Variants in PCDHGA9 observed in about 807,000 individuals in gnomAD.
The protein encoded by PCDHGA9 is protocadherin gamma-A9.
In PCDHGA9, 37 loss-of-function variants were observed where a neutral mutation model predicts 62.5. The ratio of observed to expected loss-of-function variants is 0.59; its 90% confidence interval spans 0.46 to 0.78. The LOEUF is 0.78. PCDHGA9 is among the 30% of genes least tolerant of loss of function. The pLI, the probability that PCDHGA9 is intolerant of heterozygous loss-of-function variation, is 0.00. For missense variants in PCDHGA9, 1,138 were observed against 1,166.2 expected (o/e 0.98, Z 0.35); for synonymous variants, 459 against 484.6 (o/e 0.95, Z 0.69).
intron 1 of PCDHGA9, chr5:141,410,849 CTTTTTT>C (rs759346998): frequency 3.0e-4 from 42 of 138,124 alleles, no homozygotes; most frequent in Middle Eastern, 4.3e-3. Context: ...TTGTCTTTGT[CTTTTTT>C]TTTTTTTTTT....
At chr5:141,409,967 AC>A (rs779248187) in intron 1 of PCDHGA9, 29 of 1,613,086 alleles carry the variant, frequency 1.8e-5, no homozygotes, top group Non-Finnish European at 2.4e-5. Flanking sequence ...CTACCTAGTG[AC>A]TAAGGTGGTA....
At chr5:141,426,451 C>A in intron 1 of PCDHGA9, 1 of 308,946 alleles carries the variant, frequency 3.2e-6, no homozygotes, top group South Asian at 3.0e-5. Flanking sequence ...GGACATGCGG[C>A]TGCATGTTCA....
chr5:141,509,255 T>A (rs1434555633), intron 3 of PCDHGA9, among the ~76,000 whole-genome samples: 1 of 152,158 alleles, frequency 6.6e-6, no homozygotes, highest in African/African-American at 2.4e-5. Flanking sequence ...CCTCTCCGGC[T>A]TTAGTCACTC....
intron 1 of PCDHGA9, among the ~76,000 whole-genome samples, chr5:141,471,869 G>A (rs1234106506): frequency 6.6e-6 from 1 of 152,172 alleles, no homozygotes; most frequent in Non-Finnish European, 1.5e-5. Flanking sequence ...AACTGTGGTT[G>A]CCTGAGGCTG....
chr5:141,446,821 T>G (rs183143971), intron 1 of PCDHGA9, among the ~76,000 whole-genome samples: 2 of 152,184 alleles, frequency 1.3e-5, no homozygotes, highest in South Asian at 4.1e-4. Context: ...GTCAGATGGG[T>G]AGATCCTTAT....
In PCDHGA9 at chr5:141,431,788, T is replaced by G. The variant is rs775397713; in HGVS notation, c.2424+26412T>G. 1 of 1,614,190 alleles carries G rather than the reference T, an allele frequency of 6.2e-7. No homozygotes were observed. The highest frequency in any genetic ancestry group is 1.1e-5 in the South Asian group (1 of 91,080). ...TCACTGTTCTGGACGTGAACGACAA[T>G]GCCCCAGAAGTGGTCCTCACCTCTC... On this transcript the variant is annotated intron_variant, in intron 1 of 3. Coordinates refer to ENST00000573521, the MANE Select transcript of PCDHGA9 (RefSeq NM_018921.3). The surrounding 1 kb of genome is among the most constrained non-coding windows in gnomAD (Gnocchi z 4.8).
chr5:141,422,785 T>C, intron 1 of PCDHGA9: 1 of 1,614,146 alleles, frequency 6.2e-7, no homozygotes, highest in Non-Finnish European at 8.5e-7. Flanking sequence ...TGCCCTACAA[T>C]CCTTCGACTA....
At chr5:141,423,499 G>T (rs1590485367) in intron 1 of PCDHGA9, 1 of 1,613,966 alleles carries the variant, frequency 6.2e-7, no homozygotes, top group Non-Finnish European at 8.5e-7. Context: ...TTCCCACGAG[G>T]TCTCTCTCAT....
At chr5:141,414,287 C>A (rs374229359) in intron 1 of PCDHGA9, 4 of 1,613,316 alleles carry the variant, frequency 2.5e-6, no homozygotes, top group Non-Finnish European at 3.4e-6. Flanking sequence ...ACAGTCGTAG[C>A]CCTTTTAAAT....
chr5:141,432,610 C>T lies in PCDHGA9; in HGVS notation c.2424+27234C>T, dbSNP rs1481968343. 9.3e-6 allele frequency: 15 copies of T among 1,613,954 alleles called. No homozygotes were observed. Among genetic ancestry groups the T allele is most frequent in the Non-Finnish European group, 1.3e-5 (15 of 1,179,978 alleles). On this transcript the variant is annotated intron_variant, in intron 1 of 3. Transcript: ENST00000573521. This position sits in a 1 kb window ranked among gnomAD's most constrained non-coding sequence, Gnocchi z 6.0. The stretch of plus-strand genomic sequence containing the variant: ...TCAAGGCCAGCGAGCCGGGACTCTT[C>T]TCGGTGGGTCTGCACACGGGCGAGG...
chr5:141,431,790 C>T lies in PCDHGA9; in HGVS notation c.2424+26414C>T, dbSNP rs2097417829. On this transcript the variant is annotated intron_variant, in intron 1 of 3. Transcript: ENST00000573521. This position sits in a 1 kb window ranked among gnomAD's most constrained non-coding sequence, Gnocchi z 4.8. The stretch of plus-strand genomic sequence containing the variant: ...ACTGTTCTGGACGTGAACGACAATG[C>T]CCCAGAAGTGGTCCTCACCTCTCTC... 4.3e-6 allele frequency: 7 copies of T among 1,614,186 alleles called. No individual in the cohort carries two copies. The highest frequency in any genetic ancestry group is 5.9e-6 in the Non-Finnish European group (7 of 1,180,016).
At chr5:141,451,468 C>G (rs2098716484) in intron 1 of PCDHGA9, among the ~76,000 whole-genome samples, 1 of 152,202 alleles carries the variant, frequency 6.6e-6, no homozygotes, top group South Asian at 2.1e-4. Context: ...AGGTCTACCT[C>G]AGTTCCTTGC....
chr5:141,421,476 C>A, intron 1 of PCDHGA9: 2 of 1,614,158 alleles, frequency 1.2e-6, no homozygotes, highest in Non-Finnish European at 1.7e-6. Context: ...CGCGAAGCGG[C>A]AGCTTGATCA....
At chr5:141,510,315 G>A (rs2099880567) in intron 3 of PCDHGA9, among the ~76,000 whole-genome samples, 1 of 151,324 alleles carries the variant, frequency 6.6e-6, no homozygotes, top group African/African-American at 2.4e-5. Flanking sequence ...TGGAGGCTTG[G>A]AAGAGCACTC....
chr5:141,420,911 T>C (rs948220220), intron 1 of PCDHGA9: 6 of 313,968 alleles, frequency 1.9e-5, no homozygotes, highest in Admixed American at 1.8e-4. Flanking sequence ...CAAATACGTG[T>C]GATTCACAAA....
chr5:141,472,769 T>C (rs2154571402), intron 1 of PCDHGA9, among the ~76,000 whole-genome samples: 1 of 151,816 alleles, frequency 6.6e-6, no homozygotes, highest in South Asian at 2.1e-4. Context: ...GCAGATCACC[T>C]GAGGTTGGGA....
chr5:141,409,714 C>T (rs1053132512), intron 1 of PCDHGA9: 1 of 1,613,226 alleles, frequency 6.2e-7, no homozygotes, highest in Non-Finnish European at 8.5e-7. Flanking sequence ...TGTCGTCATA[C>T]GTGTCAGTGA....
At chr5:141,415,508 A>G in intron 1 of PCDHGA9, 2 of 1,614,168 alleles carry the variant, frequency 1.2e-6, no homozygotes, top group Non-Finnish European at 1.7e-6. Flanking sequence ...CCCCAGCCCA[A>G]TTATGCGGAC....
In PCDHGA9 at chr5:141,476,331, C is replaced by T; in HGVS notation, c.2425-18476C>T. On this transcript the variant is annotated intron_variant, in intron 1 of 3. Transcript: ENST00000573521. This position sits in a 1 kb window ranked among gnomAD's most constrained non-coding sequence, Gnocchi z 7.6. Reference sequence around the variant, plus strand: ...CGCAGGTTCCGGGTGGTGTCTGGAGCTAGCCGAAGATTCTTTGAGGTGAAC... The same window carrying T: ...CGCAGGTTCCGGGTGGTGTCTGGAGTTAGCCGAAGATTCTTTGAGGTGAAC... 1.2e-6 allele frequency: 2 copies of T among 1,614,156 alleles called. No individual in the cohort carries two copies. Among genetic ancestry groups the T allele is most frequent in the Non-Finnish European group, 1.7e-6 (2 of 1,180,042 alleles).
Sources: allele counts gnomAD v4.1 joint callset (sites outside exome capture counted in the v4.1 genomes callset), GRCh38; gene constraint gnomAD v4.1.1; non-coding constraint Gnocchi (gnomAD v3.1); transcripts MANE v1.5; gene names NCBI Gene and HGNC (gene_info 2026-07-23, HGNC 2026-07-21).